The following MAD1L1 variants were observed in gnomAD, a reference collection of about 807,000 sequenced individuals.
The protein encoded by MAD1L1 is mitotic spindle assembly checkpoint protein MAD1.
A neutral mutation model predicts 96.9 loss-of-function variants in MAD1L1; 95 were observed. The ratio of observed to expected loss-of-function variants is 0.98; its 90% CI spans 0.83 to 1.16. The LOEUF is 1.16. Among genes scored for constraint, MAD1L1 ranks in the 50% most tolerant of loss-of-function variants. The pLI is 0.00. For synonymous variants in MAD1L1, 473 were observed against 396.6 expected (o/e 1.19, Z -2.29); for missense variants, 1,007 against 954.4 (o/e 1.06, Z -0.73).
At position 1,955,848 on chromosome 7, in the gene MAD1L1, C is replaced by G. The variant is rs537628998; in HGVS notation, c.1596+1781G>C. On this transcript the variant is annotated intron_variant, in intron 16 of 18. Coordinates refer to ENST00000265854, the MANE Select transcript of MAD1L1 (RefSeq NM_001013836.2). ...ACTGCAATCCTCGTCAGCTCAGGGG[C>G]TCTTCAGTTATTTGACTTGTGACCT... is the stretch of plus-strand genomic sequence containing the variant. Among the ~76,000 whole-genome samples the G allele has an allele frequency of 5.1e-4, 77 of 152,228 alleles. 1 individual carries two copies. In the South Asian group the frequency reaches 0.016, roughly 32 times the overall value.
intron 18 of MAD1L1, among the ~76,000 whole-genome samples, chr7:1,858,242 G>C (rs755825632): frequency 6.6e-6 from 1 of 152,214 alleles, no homozygotes; most frequent in African/African-American, 2.4e-5. Context: ...TCCCCTGCTC[G>C]CCACAACCAG....
chr7:1,823,155 A>G (rs1372755181), intron 18 of MAD1L1, among the ~76,000 whole-genome samples: 2 of 152,164 alleles, frequency 1.3e-5, no homozygotes, highest in East Asian at 3.8e-4. Flanking sequence ...GCTTCAGTGG[A>G]GGAAGGGCAG....
intron 11 of MAD1L1, among the ~76,000 whole-genome samples, chr7:2,137,884 C>T (rs1366915600): frequency 1.3e-5 from 2 of 152,224 alleles, no homozygotes; most frequent in Admixed American, 6.5e-5. Flanking sequence ...GACACGATAC[C>T]GGCCATGATG....
At position 1,953,627 on chromosome 7, in the gene MAD1L1, G is replaced by C. The variant is rs576337589; in HGVS notation, c.1596+4002C>G. ...ACTTAAAGCGCGTCAGAAGAATAAA[G>C]TGGCGCGGCGGCTGGGCGAGGGATA... On this transcript the variant is annotated intron_variant, in intron 16 of 18. Coordinates refer to ENST00000265854, the MANE Select transcript of MAD1L1 (RefSeq NM_001013836.2). Among the ~76,000 whole-genome samples the C allele has an allele frequency of 2.0e-5, 3 of 152,412 alleles. No homozygotes were observed. In the East Asian group the frequency reaches 5.8e-4, roughly 29 times the overall value.
At chr7:1,967,537 G>T (rs982809916) in intron 15 of MAD1L1, among the ~76,000 whole-genome samples, 1 of 152,240 alleles carries the variant, frequency 6.6e-6, no homozygotes, top group Non-Finnish European at 1.5e-5. Flanking sequence ...GCAGCTGGCG[G>T]GAGGGTGTAG....
chr7:2,076,353 A>C (rs1198957578), intron 11 of MAD1L1, among the ~76,000 whole-genome samples: 2 of 152,228 alleles, frequency 1.3e-5, no homozygotes, highest in Non-Finnish European at 2.9e-5. Context: ...TGTAAGCAGC[A>C]CAAAGCTCGA....
chr7:2,120,783 C>T (rs562257014), intron 11 of MAD1L1, among the ~76,000 whole-genome samples: 4 of 152,308 alleles, frequency 2.6e-5, no homozygotes, highest in East Asian at 1.9e-4. Context: ...AGGCAGCCTG[C>T]GAGCCCCCAT....
chr7:2,212,674 C>T (rs1468181513), intron 10 of MAD1L1, among the ~76,000 whole-genome samples: 1 of 152,196 alleles, frequency 6.6e-6, no homozygotes, highest in East Asian at 1.9e-4. Context: ...TGCGGCTTCA[C>T]CAGAAGCCGA....
intron 12 of MAD1L1, among the ~76,000 whole-genome samples, chr7:2,059,698 C>T (rs1008522214): frequency 6.6e-6 from 1 of 151,218 alleles, no homozygotes; most frequent in African/African-American, 2.4e-5. Context: ...GGAAGCGTAG[C>T]CAGGGGAGAA....
intron 15 of MAD1L1, among the ~76,000 whole-genome samples, chr7:1,976,076 G>A (rs909521346): frequency 2.0e-5 from 3 of 152,314 alleles, no homozygotes; most frequent in Middle Eastern, 3.4e-3. Flanking sequence ...GTTGAAAAAC[G>A]ATGCTATGTG....
At chr7:2,118,167 C>T (rs918592107) in intron 11 of MAD1L1, among the ~76,000 whole-genome samples, 1 of 152,226 alleles carries the variant, frequency 6.6e-6, no homozygotes, top group Non-Finnish European at 1.5e-5. Context: ...GACCACAATG[C>T]CGGACGCTGT....
At chr7:2,102,238 C>T (rs1231168385) in intron 11 of MAD1L1, among the ~76,000 whole-genome samples, 2 of 150,218 alleles carry the variant, frequency 1.3e-5, no homozygotes, top group Admixed American at 6.6e-5. Flanking sequence ...ACCGCCACCA[C>T]CACCACCGCC....
chr7:2,136,426 G>A (rs1788755713), intron 11 of MAD1L1, among the ~76,000 whole-genome samples: 1 of 152,240 alleles, frequency 6.6e-6, no homozygotes, highest in African/African-American at 2.4e-5. Context: ...GGGGACACGT[G>A]TGGAGTGCCT....
intron 11 of MAD1L1, among the ~76,000 whole-genome samples, chr7:2,123,782 T>C (rs1226263812): frequency 6.6e-6 from 1 of 152,232 alleles, no homozygotes; most frequent in Admixed American, 6.5e-5. Context: ...GTCAGGTAAA[T>C]GCCTCCCAAT....
At chr7:2,118,969 C>G (rs976622983) in intron 11 of MAD1L1, among the ~76,000 whole-genome samples, 1 of 152,146 alleles carries the variant, frequency 6.6e-6, no homozygotes, top group Non-Finnish European at 1.5e-5. Context: ...CGTCCTCCAT[C>G]AAGGCCAAAA....
chr7:2,228,866 G>A (rs986030963), intron 3 of MAD1L1, among the ~76,000 whole-genome samples: 9 of 151,832 alleles, frequency 5.9e-5, no homozygotes, highest in Non-Finnish European at 8.8e-5. Flanking sequence ...CCAGCCTCCC[G>A]AGTAGCTGGG....
intron 15 of MAD1L1, among the ~76,000 whole-genome samples, chr7:1,967,140 G>A (rs1780202278): frequency 6.6e-6 from 1 of 152,212 alleles, no homozygotes; most frequent in Non-Finnish European, 1.5e-5. Flanking sequence ...AGAGGGCAAG[G>A]GACCTGCCGG....
chr7:2,034,373 C>T (rs888107187), intron 12 of MAD1L1, among the ~76,000 whole-genome samples: 1 of 152,128 alleles, frequency 6.6e-6, no homozygotes, highest in Admixed American at 6.5e-5. Context: ...CACACCACCA[C>T]GCCCAGCTAA....
intron 16 of MAD1L1, among the ~76,000 whole-genome samples, chr7:1,945,994 G>A (rs73290526): frequency 1.3e-5 from 2 of 152,156 alleles, no homozygotes; most frequent in East Asian, 1.9e-4. Context: ...AAGGGCCAGT[G>A]GGTTCTGCAC....
Sources: allele counts gnomAD v4.1 joint callset (sites outside exome capture counted in the v4.1 genomes callset), GRCh38; gene constraint gnomAD v4.1.1; transcripts MANE v1.5; gene names NCBI Gene and HGNC (gene_info 2026-07-23, HGNC 2026-07-21).